OLA1: variants seen among roughly 807,000 people sequenced by gnomAD.
The protein encoded by OLA1 is Obg like ATPase 1, also known as obg-like ATPase 1.
OLA1 carries 14 observed loss-of-function variants against 48.4 expected under a neutral mutation model. The ratio of observed to expected loss-of-function variants is 0.29; its 90% CI spans 0.19 to 0.45. The LOEUF (loss-of-function observed/expected upper bound fraction) is 0.45. Ranked by LOEUF, OLA1 falls within the 20% of genes least tolerant of loss-of-function variation. OLA1 has a pLI of 1.00. For synonymous variants in OLA1, 127 were observed against 150.4 expected (o/e 0.84, Z 1.14); for missense variants, 325 against 467.1 (o/e 0.70, Z 2.80).
chr2:174,138,622 C>T (rs1308445581), intron 5 of OLA1, among the ~76,000 whole-genome samples: 4 of 152,084 alleles, frequency 2.6e-5, no homozygotes, highest in Non-Finnish European at 5.9e-5. Flanking sequence ...CACAAACCTT[C>T]GATTTGTAAA....
At chr2:174,086,751 C>T (rs916547767) in intron 7 of OLA1, among the ~76,000 whole-genome samples, 3 of 152,258 alleles carry the variant, frequency 2.0e-5, no homozygotes, top group Non-Finnish European at 4.4e-5. Flanking sequence ...GGTGGTGGTT[C>T]AGGATTTCAT....
rs1200602633 is a variant in OLA1 at position 174,218,718 on chromosome 2, G to C, written c.373+4315C>G. On this transcript the variant is annotated intron_variant, in intron 4 of 10. Coordinates refer to ENST00000284719, the MANE Select transcript of OLA1 (RefSeq NM_013341.5). ...CAGCGAAAACTCTAAATGACTAATG[G>C]GGGTAAGGATCTGAAATACCTTTAC... is the stretch of plus-strand genomic sequence containing the variant. Among the ~76,000 whole-genome samples, 4 of 152,148 alleles carry C rather than the reference G, an allele frequency of 2.6e-5. No individual in the cohort carries two copies. The East Asian group carries it at 7.7e-4, about 29-fold the overall frequency.
chr2:174,111,398 A>G (rs918126766), intron 7 of OLA1, among the ~76,000 whole-genome samples: 1 of 152,220 alleles, frequency 6.6e-6, no homozygotes, highest in African/African-American at 2.4e-5. Flanking sequence ...CAAAATATTT[A>G]ACTAGATTTC....
intron 7 of OLA1, among the ~76,000 whole-genome samples, chr2:174,121,588 T>C (rs1297775746): frequency 6.6e-6 from 1 of 152,098 alleles, no homozygotes; most frequent in East Asian, 1.9e-4. Flanking sequence ...CTATTAAGAT[T>C]TGGTTTTATA....
At position 174,215,029 on chromosome 2, in the gene OLA1, G is replaced by A. The variant is rs113283696; in HGVS notation, c.373+8004C>T. On this transcript the variant is annotated intron_variant, in intron 4 of 10. Transcript: ENST00000284719. ...CGCGCCATTACACTCCAGCCTGGGCGACAGAGTGAGACTATCTCAAAAAAA... is the reference window on the plus strand; with the variant it reads ...CGCGCCATTACACTCCAGCCTGGGCAACAGAGTGAGACTATCTCAAAAAAA... Among the ~76,000 whole-genome samples, 647 of 149,188 alleles carry A rather than the reference G, an allele frequency of 4.3e-3. 2 individuals carry two copies. The highest frequency in any genetic ancestry group is 0.015 in the African/African-American group (614 of 40,402).
At chr2:174,180,164 T>C (rs771513634) in intron 4 of OLA1, among the ~76,000 whole-genome samples, 4 of 152,090 alleles carry the variant, frequency 2.6e-5, no homozygotes, top group Non-Finnish European at 5.9e-5. Context: ...TTTTTCTCAA[T>C]GAAGGTTAAA....
At position 174,167,353 on chromosome 2, in the gene OLA1, A is replaced by G. The variant is rs568703974; in HGVS notation, c.374-25353T>C. Among the ~76,000 whole-genome samples, 3 of 152,336 alleles carry G rather than the reference A, an allele frequency of 2.0e-5. No homozygotes were observed. The South Asian group carries it at 6.2e-4, about 32-fold the overall frequency. Reference sequence around the variant, plus strand: ...CACTTTGGGAGGCCAAGGTGGGTGGATCACTTGAGGTCAGGAGTTCAAGAC... The same window carrying G: ...CACTTTGGGAGGCCAAGGTGGGTGGGTCACTTGAGGTCAGGAGTTCAAGAC... On this transcript the variant is annotated intron_variant, in intron 4 of 10. Transcript: ENST00000284719.
chr2:174,150,663 C>T lies in OLA1; in HGVS notation c.374-8663G>A, dbSNP rs114760345. On this transcript the variant is annotated intron_variant, in intron 4 of 10. Coordinates refer to ENST00000284719, the MANE Select transcript of OLA1 (RefSeq NM_013341.5). ...ACCCTTTCAACACATATGCAAACTA[C>T]AATATGCCTTGTTAAATATAAGTTT... Among the ~76,000 whole-genome samples the T allele has an allele frequency of 8.7e-3, 1,328 of 152,296 alleles. 22 individuals are homozygous for T. Among genetic ancestry groups the T allele is most frequent in the African/African-American group, 0.029 (1,222 of 41,558 alleles).
chr2:174,105,668 A>G (rs893451473), intron 7 of OLA1, among the ~76,000 whole-genome samples: 1 of 152,074 alleles, frequency 6.6e-6, no homozygotes, highest in Non-Finnish European at 1.5e-5. Context: ...GAACAGCAGT[A>G]CTTACAGATA....
chr2:174,096,011 C>A (rs1685246650), intron 7 of OLA1, among the ~76,000 whole-genome samples: 2 of 151,844 alleles, frequency 1.3e-5, no homozygotes, highest in Admixed American at 1.3e-4. Flanking sequence ...AAATCAAAAC[C>A]ACAGTGAGAT....
At chr2:174,112,012 A>G (rs1466120249) in intron 7 of OLA1, among the ~76,000 whole-genome samples, 1 of 152,222 alleles carries the variant, frequency 6.6e-6, no homozygotes, top group African/African-American at 2.4e-5. Flanking sequence ...TTTAAAAAAT[A>G]CCACTCTCAG....
Position 174,085,700 on chromosome 2 carries a change from A to C in OLA1, c.729-3636T>G, listed in dbSNP as rs113071105. ...GCCAGCCTTAAAATTCCAGATGCCA[A>C]AACTTGATTTTCCCAGGGTTAGTTT... On this transcript the variant is annotated intron_variant, in intron 7 of 10. Transcript: ENST00000284719. Among the ~76,000 whole-genome samples the C allele has an allele frequency of 4.0e-3, 605 of 152,286 alleles. 2 individuals are homozygous for C. The highest frequency in any genetic ancestry group is 0.014 in the Middle Eastern group (4 of 294).
chr2:174,150,922 T>TAAG (rs996291359), intron 4 of OLA1, among the ~76,000 whole-genome samples: 5 of 151,960 alleles, frequency 3.3e-5, no homozygotes, highest in African/African-American at 9.7e-5. Context: ...TAGAATAGGT[T>TAAG]AAGAAGAAGA....
intron 4 of OLA1, among the ~76,000 whole-genome samples, chr2:174,217,702 C>T (rs915846609): frequency 6.6e-6 from 1 of 152,130 alleles, no homozygotes; most frequent in Non-Finnish European, 1.5e-5. Context: ...TCTGCCCCTC[C>T]CCCAGGCTAC....
At chr2:174,131,965 T>C (rs1459172669) in intron 5 of OLA1, among the ~76,000 whole-genome samples, 5 of 152,132 alleles carry the variant, frequency 3.3e-5, no homozygotes, top group African/African-American at 1.2e-4. Context: ...ATTGAGACTT[T>C]ACATGTATAG....
intron 1 of OLA1, chr2:174,247,823 T>C (rs1301375454): frequency 3.2e-6 from 5 of 1,541,634 alleles, no homozygotes; most frequent in Admixed American, 2.0e-5. Context: ...AAGTCGAAAC[T>C]TTCTCTGTCC....
Position 174,237,155 on chromosome 2 carries a change from ATGCTTTTTTATATCTTTAAAATGTG to A in OLA1, c.102-7729_102-7705del, listed in dbSNP as rs1688874507. On this transcript the variant is annotated intron_variant, in intron 2 of 10. Transcript: ENST00000284719. ...TTTTTTCTTTATATCCTTATTCCAT[ATGCTTTTTTATATCTTTAAAATGTG>A]TGCTTTTTTTAAAAACTTTTTTGTT... 2.0e-5 allele frequency among the ~76,000 whole-genome samples: 3 copies of A among 152,078 alleles called. No homozygotes were observed. In the South Asian group the frequency reaches 6.2e-4, roughly 32 times the overall value.
intron 2 of OLA1, among the ~76,000 whole-genome samples, chr2:174,242,347 C>T (rs572861712): frequency 2.0e-5 from 3 of 152,332 alleles, no homozygotes; most frequent in South Asian, 4.1e-4. Context: ...ACAGGGCCTG[C>T]GCTCCTCTGA....
chr2:174,211,280 C>A (rs1688238060), intron 4 of OLA1, among the ~76,000 whole-genome samples: 1 of 151,884 alleles, frequency 6.6e-6, no homozygotes, highest in Non-Finnish European at 1.5e-5. Flanking sequence ...ACAGAGTGTA[C>A]AAACATAACA....
Sources: allele counts gnomAD v4.1 joint callset (sites outside exome capture counted in the v4.1 genomes callset), GRCh38; gene constraint gnomAD v4.1.1; transcripts MANE v1.5; gene names NCBI Gene and HGNC (gene_info 2026-07-23, HGNC 2026-07-21).